PLS1: variants seen among roughly 807,000 people sequenced by gnomAD.
PLS1 encodes the protein plastin-1.
A neutral mutation model predicts 73.7 loss-of-function variants in PLS1; 32 were observed. The observed-to-expected ratio is 0.43, with a 90% confidence interval of 0.33 to 0.58. PLS1 has a LOEUF of 0.58. Ranked by LOEUF, PLS1 falls within the 20% of genes least tolerant of loss-of-function variation. PLS1 has a pLI of 0.04. For synonymous variants in PLS1, 217 were observed against 261.3 expected, an observed-to-expected ratio of 0.83 and a Z score of 1.63; for missense variants, 633 against 740.5, an observed-to-expected ratio of 0.85 and a Z score of 1.68.
Position 142,664,247 on chromosome 3 carries a change from A to C in PLS1, c.10A>C (p.Ser4Arg), listed in dbSNP as rs772320882. 5.1e-6 allele frequency: 8 copies of C among 1,574,164 alleles called. No homozygotes were observed. The Admixed American group carries it at 7.0e-5, about 14-fold the overall frequency. MEN[S>R]TTTISREELE... ...TCTTTTCTGTCCAAAGATGGAAAACAGTACTACTACCATTTCTCGGGAGGA... is the reference window on the plus strand; with the variant it reads ...TCTTTTCTGTCCAAAGATGGAAAACCGTACTACTACCATTTCTCGGGAGGA... The change falls in exon 2 of 16, where the codon AGT becomes CGT. Residue 4 changes from serine (S) to arginine (R), a missense_variant. Coordinates refer to ENST00000457734, the MANE Select transcript of PLS1 (RefSeq NM_001145319.2).
At position 142,703,963 on chromosome 3, in the gene PLS1, A is replaced by G. The variant is rs2038393598; in HGVS notation, c.1467A>G (p.Ser489=). 2.5e-6 allele frequency: 4 copies of G among 1,614,034 alleles called. No individual in the cohort carries two copies. In the Middle Eastern group the frequency reaches 6.6e-4, roughly 266 times the overall value. Residue 489 remains serine, a synonymous_variant, in exon 13 of 16, where the codon TCA becomes TCG. Coordinates refer to ENST00000457734, the MANE Select transcript of PLS1 (RefSeq NM_001145319.2). ...GGCAGGACCTAAATGAAGGGAATTC[A>G]ACACTTACCCTGGCATTGGTATGGC... ...IAGQDLNEGN[S]TLTLALVWQL...
intron 1 of PLS1, among the ~76,000 whole-genome samples, chr3:142,648,862 T>C (rs1192070218): frequency 2.0e-5 from 3 of 152,234 alleles, no homozygotes; most frequent in Admixed American, 6.5e-5. Flanking sequence ...TGGGTCTTAC[T>C]GAGACCTGGG....
intron 14 of PLS1, among the ~76,000 whole-genome samples, chr3:142,707,385 T>C (rs1056634039): frequency 6.6e-6 from 1 of 152,202 alleles, no homozygotes; most frequent in African/African-American, 2.4e-5. Context: ...ACAGAGAAGG[T>C]GGTAGATCAG....
intron 8 of PLS1, 69 bp from the exon 9 acceptor site, chr3:142,686,215 C>T (rs1577891528): frequency 1.1e-6 from 1 of 923,788 alleles, no homozygotes; most frequent in Non-Finnish European, 1.8e-6. Flanking sequence ...AGTTTGAGCA[C>T]TTGTTTTCCC....
In PLS1 at chr3:142,686,937, C is replaced by G. The variant is rs190482823; in HGVS notation, c.981+561C>G. ...CATATGCCAGGAAAGGAAGCAACAA[C>G]CTGTTGTTAGATTTTTAAGCAATCA... On this transcript the variant is annotated intron_variant, in intron 9 of 15. Transcript: ENST00000457734. Among the ~76,000 whole-genome samples the G allele has an allele frequency of 2.6e-5, 4 of 152,294 alleles. No individual in the cohort carries two copies. In the East Asian group the frequency reaches 7.7e-4, roughly 29 times the overall value.
chr3:142,673,887 C>T (rs934011543), intron 4 of PLS1: 5 of 152,238 alleles, frequency 3.3e-5, no homozygotes, highest in African/African-American at 9.7e-5. Context: ...TGTATGAGGG[C>T]TCCAGTTTCT....
At chr3:142,628,596 A>C (rs1434935032) in intron 1 of PLS1, among the ~76,000 whole-genome samples, 1 of 152,256 alleles carries the variant, frequency 6.6e-6, no homozygotes, top group East Asian at 1.9e-4. Flanking sequence ...AAACACTTAA[A>C]TGTGAAATGT....
intron 4 of PLS1, among the ~76,000 whole-genome samples, chr3:142,675,488 T>C (rs1215059609): frequency 1.3e-5 from 2 of 152,164 alleles, no homozygotes; most frequent in Non-Finnish European, 2.9e-5. Flanking sequence ...GTTCATGTCA[T>C]TCTCCTGCCT....
chr3:142,627,239 G>A (rs1257562553), intron 1 of PLS1, among the ~76,000 whole-genome samples: 1 of 152,058 alleles, frequency 6.6e-6, no homozygotes, highest in African/African-American at 2.4e-5. Flanking sequence ...TGTTTGGGAA[G>A]GGGATTTTTT....
chr3:142,671,452 A>G (rs1464250804), intron 4 of PLS1, among the ~76,000 whole-genome samples: 1 of 152,176 alleles, frequency 6.6e-6, no homozygotes, highest in Non-Finnish European at 1.5e-5. Context: ...GTGGCTTTTC[A>G]ATGGCTTTTC....
intron 1 of PLS1, among the ~76,000 whole-genome samples, chr3:142,620,327 A>G (rs2036291723): frequency 6.6e-6 from 1 of 152,126 alleles, no homozygotes. Flanking sequence ...GGGTTTCACC[A>G]TGTTGGCCAG....
At chr3:142,639,695 G>A (rs779662307) in intron 1 of PLS1, among the ~76,000 whole-genome samples, 62 of 152,286 alleles carry the variant, frequency 4.1e-4, no homozygotes, top group Middle Eastern at 3.4e-3. Context: ...TTGAAAGCTC[G>A]TGGAATCTCT....
intron 1 of PLS1, among the ~76,000 whole-genome samples, chr3:142,642,244 A>AT (rs1218227914): frequency 1.3e-5 from 2 of 151,898 alleles, no homozygotes; most frequent in African/African-American, 2.4e-5. Flanking sequence ...TATATGGTGA[A>AT]TTTTTTTCCA....
intron 12 of PLS1, 156 bp downstream of exon 12, chr3:142,698,223 A>C: frequency 1.8e-6 from 1 of 545,066 alleles, no homozygotes; most frequent in Non-Finnish European, 3.3e-6. Flanking sequence ...TGCTTTAATA[A>C]ATTTGAAGAT....
Position 142,684,049 on chromosome 3 carries a change from G to T in PLS1, c.623G>T (p.Cys208Phe). ...LALNSASAIGCTVVNIGASDL... is the reference protein window; with the variant it reads ...LALNSASAIGFTVVNIGASDL... ...CTGAATTCTGCCTCAGCCATTGGTT[G>T]TACAGTGGTCAACATTGGTGCATCA... The change falls in exon 7 of 16, where the codon TGT becomes TTT. Residue 208 changes from cysteine (C) to phenylalanine (F), a missense_variant. Coordinates refer to ENST00000457734, the MANE Select transcript of PLS1 (RefSeq NM_001145319.2). The T allele has an allele frequency of 6.2e-7, 1 of 1,613,692 alleles. No individual in the cohort carries two copies. Among genetic ancestry groups the T allele is most frequent in the Non-Finnish European group, 8.5e-7 (1 of 1,179,746 alleles).
chr3:142,605,127 A>G (rs2035996202), intron 1 of PLS1, among the ~76,000 whole-genome samples: 1 of 152,144 alleles, frequency 6.6e-6, no homozygotes, highest in Admixed American at 6.5e-5. Context: ...CATGAGAAGG[A>G]AGGCCTTCTC....
chr3:142,604,041 A>G (rs1045913571), intron 1 of PLS1, among the ~76,000 whole-genome samples: 4 of 152,198 alleles, frequency 2.6e-5, no homozygotes, highest in African/African-American at 9.7e-5. Flanking sequence ...TAAATTGTTT[A>G]TAGATCCAGT....
intron 11 of PLS1, among the ~76,000 whole-genome samples, chr3:142,697,369 C>T (rs957932662): frequency 2.0e-5 from 3 of 152,032 alleles, no homozygotes; most frequent in African/African-American, 7.2e-5. Context: ...TCTTACTGTA[C>T]AAGTTTTAGG....
intron 1 of PLS1, among the ~76,000 whole-genome samples, chr3:142,640,882 T>A (rs1394340635): frequency 6.6e-6 from 1 of 152,086 alleles, no homozygotes; most frequent in Non-Finnish European, 1.5e-5. Context: ...CTTCACTTTT[T>A]TTCTTCCTCT....
Sources: allele counts gnomAD v4.1 joint callset (sites outside exome capture counted in the v4.1 genomes callset), GRCh38; gene constraint gnomAD v4.1.1; transcripts MANE v1.5; gene names NCBI Gene and HGNC (gene_info 2026-07-23, HGNC 2026-07-21).